Variants in SIRPA observed in about 807,000 individuals in gnomAD.
The protein encoded by SIRPA is tyrosine-protein phosphatase non-receptor type substrate 1.
SIRPA carries 9 observed loss-of-function variants against 50.3 expected under a neutral mutation model. The observed-to-expected ratio is 0.18, with a 90% confidence interval of 0.11 to 0.31. The LOEUF is 0.31. SIRPA is among the 10% of genes least tolerant of loss of function. The pLI, the probability that SIRPA is intolerant of heterozygous loss-of-function variation, is 1.00. For synonymous variants in SIRPA, 265 were observed against 284.1 expected (o/e 0.93, Z 0.68); for missense variants, 474 against 661.6 (o/e 0.72, Z 3.11).
chr20:1,900,355 G>A (rs1391870425), intron 1 of SIRPA, among the ~76,000 whole-genome samples: 1 of 152,102 alleles, frequency 6.6e-6, no homozygotes, highest in Non-Finnish European at 1.5e-5. Flanking sequence ...CTCCCAAAGT[G>A]CTGGGATTAC....
rs879820739 is a variant in SIRPA at position 1,936,856 on chromosome 20, A to T, written c.1267-464A>T. ...AACAAACATGGGCTGAGGAAGCACA[A>T]AGAAGGAACATGGACCCTGCCAGGA... On this transcript the variant is annotated intron_variant, in intron 7 of 7. Coordinates refer to ENST00000358771, the MANE Select transcript of SIRPA (RefSeq NM_001040023.2). This position sits in a 1 kb window ranked among gnomAD's most constrained non-coding sequence, Gnocchi z 4.2. 2.0e-4 allele frequency among the ~76,000 whole-genome samples: 30 copies of T among 152,194 alleles called. No individual in the cohort carries two copies. Among genetic ancestry groups the T allele is most frequent in the African/African-American group, 7.2e-4 (30 of 41,452 alleles).
chr20:1,931,388 C>T (rs979840507), intron 6 of SIRPA, among the ~76,000 whole-genome samples: 1 of 151,814 alleles, frequency 6.6e-6, no homozygotes, highest in African/African-American at 2.4e-5. Flanking sequence ...TCAGCCTCGA[C>T]ATCTCTTGTA....
intron 2 of SIRPA, among the ~76,000 whole-genome samples, chr20:1,917,128 G>A (rs1985353655): frequency 6.6e-6 from 1 of 152,168 alleles, no homozygotes; most frequent in Admixed American, 6.5e-5. Flanking sequence ...ATGATGCCCT[G>A]GATGAGAAAG....
chr20:1,933,223 A>C lies in SIRPA; in HGVS notation c.1227-1492A>C, dbSNP rs1487720368. 6.6e-6 allele frequency among the ~76,000 whole-genome samples: 1 copy of C among 152,180 alleles called. No homozygotes were observed. Among genetic ancestry groups the C allele is most frequent in the Non-Finnish European group, 1.5e-5 (1 of 68,032 alleles). ...GAAACCAGATATGCAGATAGACAGG[A>C]GATCTGAGATTGTCATGGAGGGGCA... On this transcript the variant is annotated intron_variant, in intron 6 of 7. Transcript: ENST00000358771. This position sits in a 1 kb window ranked among gnomAD's most constrained non-coding sequence, Gnocchi z 4.4.
intron 2 of SIRPA, among the ~76,000 whole-genome samples, chr20:1,919,928 C>A (rs1985543642): frequency 6.6e-6 from 1 of 152,138 alleles, no homozygotes; most frequent in Non-Finnish European, 1.5e-5. Flanking sequence ...TGTTCTGCTG[C>A]CTGAAGGATA....
In SIRPA at chr20:1,935,128, G is replaced by A. The variant is rs916893879; in HGVS notation, c.1266+374G>A. The stretch of plus-strand genomic sequence containing the variant: ...GAGCGCCACTCCCAGCTCACTGCCC[G>A]CTCCTCACAGCCAGGCTTTTCTATG... On this transcript the variant is annotated intron_variant, in intron 7 of 7. Transcript: ENST00000358771. 1.3e-4 allele frequency among the ~76,000 whole-genome samples: 20 copies of A among 152,206 alleles called. No individual in the cohort carries two copies. The South Asian group carries it at 2.1e-3, about 16-fold the overall frequency.
At chr20:1,923,822 G>T (rs1419689066) in intron 4 of SIRPA, among the ~76,000 whole-genome samples, 2 of 152,254 alleles carry the variant, frequency 1.3e-5, no homozygotes, top group African/African-American at 4.8e-5. Flanking sequence ...TTCTGGCTGT[G>T]TTGAAGGGGA....
At chr20:1,930,370 G>A (rs1474553959) in intron 6 of SIRPA, among the ~76,000 whole-genome samples, 1 of 152,210 alleles carries the variant, frequency 6.6e-6, no homozygotes, top group East Asian at 1.9e-4. Context: ...GCAAATAGCT[G>A]CTAAACTTGG....
chr20:1,903,341 C>T (rs1006972592), intron 1 of SIRPA, among the ~76,000 whole-genome samples: 4 of 152,180 alleles, frequency 2.6e-5, no homozygotes, highest in African/African-American at 9.7e-5. Context: ...TACCGTTAAT[C>T]CATTGGACAG....
In SIRPA at chr20:1,936,371, T is replaced by C. The variant is rs1393080533; in HGVS notation, c.1267-949T>C. On this transcript the variant is annotated intron_variant, in intron 7 of 7. Transcript: ENST00000358771. The surrounding 1 kb of genome is among the most constrained non-coding windows in gnomAD (Gnocchi z 4.2). ...GTACCAGGCTCTGTTCTAAACGCTT[T>C]ACCTGGATAATCTCATTCCATCCTC... Among the ~76,000 whole-genome samples the C allele has an allele frequency of 6.6e-6, 1 of 152,196 alleles. No homozygotes were observed. The highest frequency in any genetic ancestry group is 2.4e-5 in the African/African-American group (1 of 41,442).
chr20:1,918,827 G>A (rs58119029), intron 2 of SIRPA, among the ~76,000 whole-genome samples: 25,299 of 152,024 alleles, frequency 0.17, 2,164 homozygotes, highest in Admixed American at 0.2. Context: ...GGCGGTGTTC[G>A]GGTTATCACT....
rs1217108138 is a variant in SIRPA, at chr20:1,937,527, T to C, written c.1474T>C (p.Ser492Pro). 2 of 1,613,914 alleles carry C rather than the reference T, an allele frequency of 1.2e-6. No homozygotes were observed. The highest frequency in any genetic ancestry group is 3.3e-5 in the Admixed American group (2 of 59,996). The change falls in exon 8 of 8, where the codon TCC becomes CCC. Residue 492 changes from serine to proline, a missense_variant. This residue lies in a region of SIRPA where 180 missense variants were observed against 206.7 expected (regional missense o/e 0.87). Coordinates refer to ENST00000358771, the MANE Select transcript of SIRPA (RefSeq NM_001040023.2). The surrounding 1 kb of genome is among the most constrained non-coding windows in gnomAD (Gnocchi z 8.3). ...GCAGCCGGCCCCCAAGCCTGAGCCG[T>C]CCTTCTCAGAGTACGCCAGCGTCCA... Reference protein sequence around the residue: ...PKQPAPKPEPSFSEYASVQVP... With the variant: ...PKQPAPKPEPPFSEYASVQVP...
intron 1 of SIRPA, 129 bp from the exon 2 acceptor site, chr20:1,914,970 A>G: frequency 1.3e-6 from 1 of 792,784 alleles, no homozygotes; most frequent in African/African-American, 1.7e-5. Context: ...GAGATGATAC[A>G]TGCACTATAC....
In SIRPA at chr20:1,915,407, G is replaced by A. The variant is rs747269909; in HGVS notation, c.388G>A (p.Asp130Asn). The A allele has an allele frequency of 2.2e-5, 14 of 629,200 alleles. No homozygotes were observed. Among genetic ancestry groups the A allele is most frequent in the South Asian group, 6.7e-5 (2 of 29,658 alleles). 39.0% of individuals were successfully genotyped at this position (629,200 alleles called of 1,614,324 possible). A position where few individuals can be genotyped will look rare whatever the true frequency, so the allele number is the denominator to read the frequency against. The change falls in exon 2 of 8, where the codon GAT becomes AAT. Residue 130 changes from aspartate (D) to asparagine (N), a missense_variant. By Grantham distance (23) the Asp-to-Asn change is conservative (BLOSUM62 1). This residue lies in a region of SIRPA where 221 missense variants were observed against 359.9 expected (regional missense o/e 0.61). Transcript: ENST00000358771. ...TGTGAAGTTCCGGAAAGGGAGCCCC[G>A]ATGACGTGGAGTTTAAGTCTGGAGC... ...YCVKFRKGSP[D>N]DVEFKSGAGT...
At chr20:1,915,076 G>A (rs533796065) in intron 1 of SIRPA, 23 bp from the exon 2 acceptor site, 69 of 1,563,892 alleles carry the variant, frequency 4.4e-5, no homozygotes, top group Non-Finnish European at 5.3e-5. Flanking sequence ...ATGAAAAAAT[G>A]ACTGCTTTGT....
At chr20:1,904,210 T>C (rs1458293240) in intron 1 of SIRPA, among the ~76,000 whole-genome samples, 1 of 152,072 alleles carries the variant, frequency 6.6e-6, no homozygotes, top group Non-Finnish European at 1.5e-5. Context: ...CACAAAGATA[T>C]CAATGCCAGG....
chr20:1,928,532 A>C lies in SIRPA; in HGVS notation c.1226+633A>C, dbSNP rs1986126845. Among the ~76,000 whole-genome samples the C allele has an allele frequency of 6.6e-6, 1 of 152,250 alleles. No homozygotes were observed. Among genetic ancestry groups the C allele is most frequent in the Admixed American group, 6.5e-5 (1 of 15,284 alleles). On this transcript the variant is annotated intron_variant, in intron 6 of 7. Transcript: ENST00000358771. The surrounding 1 kb of genome is among the most constrained non-coding windows in gnomAD (Gnocchi z 4.9). ...ATCAGCCCAGGCTTTCATGGGGCTCAGACGCCGGTGAGAGAAACAGGCATA... is the reference window on the plus strand; with the variant it reads ...ATCAGCCCAGGCTTTCATGGGGCTCCGACGCCGGTGAGAGAAACAGGCATA...
At position 1,936,386 on chromosome 20, in the gene SIRPA, A is replaced by G. The variant is rs575134822; in HGVS notation, c.1267-934A>G. On this transcript the variant is annotated intron_variant, in intron 7 of 7. Coordinates refer to ENST00000358771, the MANE Select transcript of SIRPA (RefSeq NM_001040023.2). The surrounding 1 kb of genome is among the most constrained non-coding windows in gnomAD (Gnocchi z 4.2). ...CTAAACGCTTTACCTGGATAATCTCATTCCATCCTCACAGCAACCCTGGCA... is the reference window on the plus strand; with the variant it reads ...CTAAACGCTTTACCTGGATAATCTCGTTCCATCCTCACAGCAACCCTGGCA... 6.6e-6 allele frequency among the ~76,000 whole-genome samples: 1 copy of G among 152,336 alleles called. No individual in the cohort carries two copies. Among genetic ancestry groups the G allele is most frequent in the South Asian group, 2.1e-4 (1 of 4,828 alleles).
At position 1,927,901 on chromosome 20, in the gene SIRPA, T is replaced by C. The variant is rs750618447; in HGVS notation, c.1226+2T>C. The C allele has an allele frequency of 6.2e-7, 1 of 1,613,674 alleles. No individual in the cohort carries two copies. Among genetic ancestry groups the C allele is most frequent in the Admixed American group, 1.7e-5 (1 of 60,034 alleles). ...CCAGGGCTCCACTTCTTCTACAAGG[T>C]AAGTGCATCATTGGTCCAGACCCTC... is the stretch of plus-strand genomic sequence containing the variant. On this transcript the variant is annotated splice_donor_variant, in intron 6 of 7. Transcript: ENST00000358771. LOFTEE classifies it high-confidence loss of function. This position sits in a 1 kb window ranked among gnomAD's most constrained non-coding sequence, Gnocchi z 6.5.
Sources: allele counts gnomAD v4.1 joint callset (sites outside exome capture counted in the v4.1 genomes callset), GRCh38; gene constraint gnomAD v4.1.1; regional missense constraint gnomAD v4.1.1; non-coding constraint Gnocchi (gnomAD v3.1); transcripts MANE v1.5; gene names NCBI Gene and HGNC (gene_info 2026-07-23, HGNC 2026-07-21).